Variants in TRPM6 observed in about 807,000 individuals in gnomAD.
TRPM6 encodes the protein transient receptor potential cation channel subfamily M member 6.
A neutral mutation model predicts 247.6 loss-of-function variants in TRPM6; 111 were observed. The observed-to-expected ratio is 0.45, with a 90% confidence interval of 0.38 to 0.52. The LOEUF is 0.52. Among genes scored for constraint, TRPM6 ranks in the 20% least tolerant of loss-of-function variants. The pLI is 0.00. For missense variants in TRPM6, 2,126 were observed against 2,421.5 expected (o/e 0.88, Z 2.56); for synonymous variants, 892 against 853.8 (o/e 1.04, Z -0.78).
rs781190336 is a variant in TRPM6 at position 74,761,666 on chromosome 9, AC to A, written c.4785+29del. 65 of 1,433,434 alleles carry A rather than the reference AC, an allele frequency of 4.5e-5. No homozygotes were observed. In the African/African-American group the frequency reaches 7.2e-4, roughly 16 times the overall value. The allele number at this position is 1,433,434 out of a possible 1,614,324, so 88.8% of individuals were successfully genotyped here. ...TAGGCCACTACCTTGACTGCTCAAA[AC>A]CTAAAAGACAGAATAACAGTACACT... On this transcript the variant is annotated intron_variant, in intron 27 of 38. Coordinates refer to ENST00000360774, the MANE Select transcript of TRPM6 (RefSeq NM_017662.5).
chr9:74,727,477 A>T (rs1189971886), intron 38 of TRPM6, among the ~76,000 whole-genome samples: 1 of 151,342 alleles, frequency 6.6e-6, no homozygotes, highest in African/African-American at 2.4e-5. Context: ...TCTTTTACTG[A>T]CTTCAAATTC....
At chr9:74,830,336 C>A (rs1040813531) in intron 6 of TRPM6, among the ~76,000 whole-genome samples, 1 of 151,608 alleles carries the variant, frequency 6.6e-6, no homozygotes, top group Non-Finnish European at 1.5e-5. Flanking sequence ...TGGGCATCCA[C>A]ATACCCCATT....
chr9:74,861,263 GC>G (rs1830682455), intron 1 of TRPM6, among the ~76,000 whole-genome samples: 1 of 152,048 alleles, frequency 6.6e-6, no homozygotes, highest in Non-Finnish European at 1.5e-5. Context: ...TTTTGAATAG[GC>G]CCCCACGCTG....
chr9:74,841,543 C>T (rs910486608), intron 4 of TRPM6, among the ~76,000 whole-genome samples: 4 of 151,624 alleles, frequency 2.6e-5, no homozygotes, highest in Non-Finnish European at 5.9e-5. Flanking sequence ...CTTATGCTGT[C>T]GCCCAGGCTG....
In TRPM6 at chr9:74,809,097, A is replaced by G. The variant is rs117621292; in HGVS notation, c.1498-923T>C. Among the ~76,000 whole-genome samples the G allele has an allele frequency of 6.8e-3, 1,043 of 152,318 alleles. 82 individuals are homozygous for G. The East Asian group carries it at 0.16, about 23-fold the overall frequency. ...AAGCTGAGTAACTATCTGAAACTCCATACAGGCATACCTTAGAGATATTGC... is the reference window on the plus strand; with the variant it reads ...AAGCTGAGTAACTATCTGAAACTCCGTACAGGCATACCTTAGAGATATTGC... On this transcript the variant is annotated intron_variant, in intron 13 of 38. Coordinates refer to ENST00000360774, the MANE Select transcript of TRPM6 (RefSeq NM_017662.5).
intron 30 of TRPM6, among the ~76,000 whole-genome samples, chr9:74,749,297 GA>G (rs1288420564): frequency 6.6e-6 from 1 of 152,168 alleles, no homozygotes; most frequent in Non-Finnish European, 1.5e-5. Flanking sequence ...TATCAATAAA[GA>G]AGTAACTTTT....
chr9:74,743,829 T>C lies in TRPM6; in HGVS notation c.5134+266A>G, dbSNP rs500102. Among the ~76,000 whole-genome samples the C allele has an allele frequency of 0.66, 99,789 of 152,106 alleles. 34,200 individuals are homozygous for C. The highest frequency in any genetic ancestry group is 0.86 in the African/African-American group (35,769 of 41,496). On this transcript the variant is annotated intron_variant, in intron 32 of 38. Transcript: ENST00000360774. ...TTGAGCGTGCAAAGAATTTTTAGATTTCAAGGTCATCTTTCTACTTTGCAA... is the reference window on the plus strand; with the variant it reads ...TTGAGCGTGCAAAGAATTTTTAGATCTCAAGGTCATCTTTCTACTTTGCAA...
intron 5 of TRPM6, 138 bp downstream of exon 5, chr9:74,839,886 G>GAAGGAAGA (rs1829861245): frequency 1.0e-5 from 6 of 577,272 alleles, no homozygotes; most frequent in Non-Finnish European, 1.8e-5. Context: ...AGGAAGGAAG[G>GAAGGAAGA]AAGGAAGGAG....
chr9:74,879,129 T>C (rs886947953), intron 1 of TRPM6, among the ~76,000 whole-genome samples: 4 of 151,542 alleles, frequency 2.6e-5, no homozygotes, highest in African/African-American at 9.7e-5. Flanking sequence ...ATAAATATCA[T>C]TAAAAAAGAA....
At chr9:74,832,251 A>G (rs1829572555) in intron 6 of TRPM6, among the ~76,000 whole-genome samples, 1 of 152,196 alleles carries the variant, frequency 6.6e-6, no homozygotes, top group South Asian at 2.1e-4. Flanking sequence ...TCAATAAATA[A>G]ATTACACACA....
intron 1 of TRPM6, among the ~76,000 whole-genome samples, chr9:74,882,577 T>G (rs1831396431): frequency 1.3e-5 from 2 of 152,156 alleles, no homozygotes; most frequent in South Asian, 4.1e-4. Context: ...CTCGCTCCAG[T>G]TAAAATGGTT....
chr9:74,853,500 T>G lies in TRPM6; in HGVS notation c.152+2027A>C, dbSNP rs1209063489. On this transcript the variant is annotated intron_variant, in intron 3 of 38. Coordinates refer to ENST00000360774, the MANE Select transcript of TRPM6 (RefSeq NM_017662.5). Reference sequence around the variant, plus strand: ...ATAAGTAGACATAGGAGACTCCATTTTGTTCTGTACTAAGAAAAATTCTTC... The same window carrying G: ...ATAAGTAGACATAGGAGACTCCATTGTGTTCTGTACTAAGAAAAATTCTTC... 2.0e-5 allele frequency among the ~76,000 whole-genome samples: 3 copies of G among 152,202 alleles called. No homozygotes were observed. In the South Asian group the frequency reaches 6.2e-4, roughly 32 times the overall value.
intron 24 of TRPM6, among the ~76,000 whole-genome samples, chr9:74,774,073 G>C (rs1489363750): frequency 6.6e-6 from 1 of 152,150 alleles, no homozygotes; most frequent in Non-Finnish European, 1.5e-5. Flanking sequence ...GTAATTGTCC[G>C]CAAGGTGGCA....
At chr9:74,852,831 C>G (rs1830380463) in intron 3 of TRPM6, among the ~76,000 whole-genome samples, 1 of 152,002 alleles carries the variant, frequency 6.6e-6, no homozygotes, top group African/African-American at 2.4e-5. Context: ...GGTGTGATCT[C>G]GGCTCGCTAC....
chr9:74,868,690 A>AT (rs1251754136), intron 1 of TRPM6, among the ~76,000 whole-genome samples: 1 of 152,136 alleles, frequency 6.6e-6, no homozygotes, highest in Non-Finnish European at 1.5e-5. Flanking sequence ...AAGACATGGA[A>AT]TTTATGAAAG....
chr9:74,887,513 C>T, intron 1 of TRPM6: 1 of 1,173,456 alleles, frequency 8.5e-7, no homozygotes, highest in Non-Finnish European at 1.2e-6. Flanking sequence ...TTTCCCACCG[C>T]CCCGAGCTGA....
intron 3 of TRPM6, among the ~76,000 whole-genome samples, chr9:74,845,608 A>G (rs1424331045): frequency 6.6e-6 from 1 of 152,168 alleles, no homozygotes; most frequent in Non-Finnish European, 1.5e-5. Flanking sequence ...AGGTGGGAGA[A>G]TCGCTTGAGG....
At position 74,775,893 on chromosome 9, in the gene TRPM6, G is replaced by C. The variant is rs964930497; in HGVS notation, c.3393C>G (p.Asp1131Glu). 6.2e-7 allele frequency: 1 copy of C among 1,614,038 alleles called. No individual in the cohort carries two copies. The highest frequency in any genetic ancestry group is 1.7e-5 in the Admixed American group (1 of 60,014). ...CATAGAACAACTTACTTAATCCAAC[G>C]TCACCCTCTTCTTGGTCGTGAGGAG... ...HRAPHDQEEG[D>E]VGLKLYLSKE... Residue 1131 changes from aspartate (D) to glutamate (E), a missense_variant, in exon 24 of 39, where the codon GAC (aspartate) becomes GAG (glutamate). Coordinates refer to ENST00000360774, the MANE Select transcript of TRPM6 (RefSeq NM_017662.5).
In TRPM6 at chr9:74,782,855, T is replaced by G; in HGVS notation, c.2920-2A>C. On this transcript the variant is annotated splice_acceptor_variant, in intron 21 of 38. Coordinates refer to ENST00000360774, the MANE Select transcript of TRPM6 (RefSeq NM_017662.5). LOFTEE classifies it high-confidence loss of function. ...CACAATATAGAACATGTTTGCTGTC[T>G]GCAAAAGAGCATAGTACAACCAGAA... 6.2e-7 allele frequency: 1 copy of G among 1,614,064 alleles called. No homozygotes were observed. Among genetic ancestry groups the G allele is most frequent in the Non-Finnish European group, 8.5e-7 (1 of 1,179,986 alleles).
Sources: gnomAD v4.1 joint callset for allele counts (sites outside exome capture counted in the v4.1 genomes callset) on GRCh38, gnomAD v4.1.1 for gene constraint, MANE v1.5 for transcripts, NCBI Gene and HGNC (gene_info 2026-07-23, HGNC 2026-07-21) for gene names.